Variants in ARAP2 observed in about 807,000 individuals in gnomAD.
ARAP2 encodes the protein ArfGAP with RhoGAP domain, ankyrin repeat and PH domain 2.
In ARAP2, 148 loss-of-function variants were observed where a neutral mutation model predicts 194.5. The observed-to-expected ratio is 0.76, with a 90% CI of 0.67 to 0.87. The LOEUF (loss-of-function observed/expected upper bound fraction) is 0.87, where lower values mean the gene tolerates loss of function less well. Ranked by LOEUF, ARAP2 falls within the 40% of genes least tolerant of loss-of-function variation. ARAP2 has a pLI of 0.00. For missense variants in ARAP2, 2,128 were observed against 1,989.7 expected, an observed-to-expected ratio of 1.07 and a Z score of -1.32; for synonymous variants, 695 against 683.5, an observed-to-expected ratio of 1.02 and a Z score of -0.26.
At chr4:36,156,622 TA>T (rs1732612333) in intron 15 of ARAP2, among the ~76,000 whole-genome samples, 1 of 152,086 alleles carries the variant, frequency 6.6e-6, no homozygotes. Context: ...GCAGCACAGG[TA>T]GGTCAGGATG....
In ARAP2 at chr4:36,128,877, C is replaced by T. The variant is rs1724666932; in HGVS notation, c.3428-132G>A. ...ATCATTACGCAAGAGATGATATAAA[C>T]ATGCATGAGCAGGAAAGGCTTTTTA... On this transcript the variant is annotated intron_variant, in intron 20 of 32. Coordinates refer to ENST00000303965, the MANE Select transcript of ARAP2 (RefSeq NM_015230.4). 5.6e-6 allele frequency: 4 copies of T among 717,066 alleles called. No individual in the cohort carries two copies. In the South Asian group the frequency reaches 5.9e-5, roughly 11 times the overall value. The allele number at this position is 717,066 out of a possible 1,614,324, so 44.4% of individuals were successfully genotyped here. A position where few individuals can be genotyped will look rare whatever the true frequency, so the allele number is the denominator to read the frequency against.
chr4:36,114,953 A>C (rs1479191092), intron 25 of ARAP2, among the ~76,000 whole-genome samples: 3 of 152,030 alleles, frequency 2.0e-5, no homozygotes, highest in African/African-American at 7.2e-5. Context: ...TGCTTATGCC[A>C]ATCTTAAGTG....
intron 28 of ARAP2, among the ~76,000 whole-genome samples, chr4:36,083,779 A>G (rs1353603393): frequency 6.6e-6 from 1 of 152,150 alleles, no homozygotes; most frequent in East Asian, 1.9e-4. Flanking sequence ...TACTGAGTGC[A>G]AACTTGATTA....
At chr4:36,063,938 T>C (rs982629785), downstream of ARAP2, among the ~76,000 whole-genome samples, 1 of 152,248 alleles carries the variant, frequency 6.6e-6, no homozygotes, top group East Asian at 1.9e-4. Context: ...TTAATGCATT[T>C]ACAAAATTGC....
At chr4:36,157,244 C>T (rs1732772710) in intron 15 of ARAP2, among the ~76,000 whole-genome samples, 1 of 152,140 alleles carries the variant, frequency 6.6e-6, no homozygotes, top group African/African-American at 2.4e-5. Flanking sequence ...AAGAAACATT[C>T]TCCTAAACTT....
chr4:36,228,851 T>C lies in ARAP2; in HGVS notation c.636A>G (p.Ala212=), dbSNP rs374164294. The change falls in exon 2 of 33, where the codon GCA becomes GCG. Residue 212 remains alanine, a synonymous_variant. Coordinates refer to ENST00000303965, the MANE Select transcript of ARAP2 (RefSeq NM_015230.4). The part of the protein sequence containing the change: ...ITENLSKLPN[A]DSECLSFVGC... ...CAACAAAAGAAAGGCATTCAGAGTC[T>C]GCATTAGGGAGCTTACTGAGATTTT... The C allele has an allele frequency of 3.7e-5, 59 of 1,614,200 alleles. No individual in the cohort carries two copies. Among genetic ancestry groups the C allele is most frequent in the Non-Finnish European group, 4.9e-5 (58 of 1,180,020 alleles).
At chr4:36,215,599 T>G (rs1328874615) in intron 2 of ARAP2, among the ~76,000 whole-genome samples, 1 of 152,168 alleles carries the variant, frequency 6.6e-6, no homozygotes, top group East Asian at 1.9e-4. Context: ...TTACCAAAAT[T>G]TAAAACTTAT....
chr4:36,167,178 A>G, intron 9 of ARAP2, 131 bp from the exon 10 acceptor site: 1 of 590,062 alleles, frequency 1.7e-6, no homozygotes, highest in Non-Finnish European at 2.9e-6. Context: ...TTAGGTAGCC[A>G]CTCTCAATAC....
Position 36,226,416 on chromosome 4 carries a change from T to C in ARAP2, c.905+2166A>G, listed in dbSNP as rs567629658. Among the ~76,000 whole-genome samples the C allele has an allele frequency of 2.0e-5, 3 of 152,196 alleles. No individual in the cohort carries two copies. The South Asian group carries it at 6.2e-4, about 32-fold the overall frequency. On this transcript the variant is annotated intron_variant, in intron 2 of 32. Coordinates refer to ENST00000303965, the MANE Select transcript of ARAP2 (RefSeq NM_015230.4). ...CCTCCTTAAAAGCAGAAGATGAAAT[T>C]CCCCTGAAAGAAATTAACATCCTGT...
chr4:36,116,586 G>C (rs1214170135), intron 25 of ARAP2, among the ~76,000 whole-genome samples: 3 of 151,782 alleles, frequency 2.0e-5, no homozygotes, highest in Non-Finnish European at 4.4e-5. Flanking sequence ...ACAAGGGTGA[G>C]AGATTATTAT....
chr4:36,050,768 T>A (rs1307393473), intron 3 of ARAP2, among the ~76,000 whole-genome samples: 1 of 152,198 alleles, frequency 6.6e-6, no homozygotes, highest in Admixed American at 6.5e-5. Context: ...ACTTGTTTGT[T>A]CAAATCTTCT....
intron 31 of ARAP2, among the ~76,000 whole-genome samples, chr4:36,076,449 A>G (rs12510182): frequency 0.43 from 65,591 of 151,888 alleles, 14,504 homozygotes; most frequent in East Asian, 0.61. Context: ...ACCTCATTTA[A>G]TTACATAAGA....
intron 6 of ARAP2, among the ~76,000 whole-genome samples, chr4:36,203,443 G>C (rs1443390496): frequency 6.6e-6 from 1 of 152,084 alleles, no homozygotes; most frequent in Non-Finnish European, 1.5e-5. Context: ...AATTAGCCAG[G>C]CATGGTGATG....
chr4:36,122,837 C>G (rs749438079), intron 22 of ARAP2, among the ~76,000 whole-genome samples: 2 of 151,584 alleles, frequency 1.3e-5, no homozygotes, highest in African/African-American at 4.8e-5. Flanking sequence ...ATGTAACAGA[C>G]GAGAACTGTA....
At chr4:36,214,374 C>G (rs773197451) in intron 3 of ARAP2, 48 bp downstream of exon 3, 1 of 1,490,134 alleles carries the variant, frequency 6.7e-7, no homozygotes, top group Non-Finnish European at 9.2e-7. Flanking sequence ...ACAGTTAAGA[C>G]TATCAAATGA....
intron 6 of ARAP2, among the ~76,000 whole-genome samples, chr4:36,195,339 A>G (rs1420087364): frequency 6.6e-6 from 1 of 152,214 alleles, no homozygotes; most frequent in Non-Finnish European, 1.5e-5. Context: ...TACTTTTTCT[A>G]GCAACACAGG....
At chr4:36,197,434 T>C (rs1353439191) in intron 6 of ARAP2, among the ~76,000 whole-genome samples, 2 of 152,248 alleles carry the variant, frequency 1.3e-5, no homozygotes, top group African/African-American at 4.8e-5. Context: ...TTTTTGCAAA[T>C]ATTAAAAACC....
intron 1 of ARAP2, among the ~76,000 whole-genome samples, chr4:36,235,387 G>C (rs1560739010): frequency 6.6e-6 from 1 of 152,134 alleles, no homozygotes; most frequent in Non-Finnish European, 1.5e-5. Context: ...CTTACCTCTT[G>C]ATCTTGTCTC....
chr4:36,057,988 AGAG>A (rs1222872119), exon 2 of ARAP2: 1 of 151,652 alleles, frequency 6.6e-6, no homozygotes, highest in Non-Finnish European at 1.5e-5. Context: ...CTTCTGGCAA[AGAG>A]GAGGCTGATG....
Sources: gnomAD v4.1 joint callset for allele counts (sites outside exome capture counted in the v4.1 genomes callset) on GRCh38, gnomAD v4.1.1 for gene constraint, MANE v1.5 for transcripts, NCBI Gene and HGNC (gene_info 2026-07-23, HGNC 2026-07-21) for gene names.